Variants in ENTPD3 observed in about 807,000 individuals in gnomAD.
ENTPD3 encodes the protein CD39 antigen-like 3.
In ENTPD3, 60 loss-of-function variants were observed where a neutral mutation model predicts 51.2. The ratio of observed to expected loss-of-function variants is 1.17; its 90% CI spans 0.95 to 1.45. ENTPD3 has a LOEUF of 1.45. Ranked by LOEUF, ENTPD3 falls within the 40% of genes most tolerant of loss-of-function variation. The probability of loss-of-function intolerance (pLI) is 0.00; values close to 1 mark genes in which losing one functional copy is unlikely to be tolerated. For missense variants in ENTPD3, 593 were observed against 641.1 expected, an observed-to-expected ratio of 0.93 and a Z score of 0.81; for synonymous variants, 221 against 238.4, an observed-to-expected ratio of 0.93 and a Z score of 0.67.
chr3:40,391,915 AGGT>A, intron 2 of ENTPD3, 105 bp from the exon 3 acceptor site: 1 of 1,269,254 alleles, frequency 7.9e-7, no homozygotes, highest in Non-Finnish European at 1.1e-6. Flanking sequence ...ACACCAGAGA[AGGT>A]GGTTTATGCA....
intron 3 of ENTPD3, among the ~76,000 whole-genome samples, chr3:40,398,967 C>T (rs1955275693): frequency 6.6e-6 from 1 of 152,078 alleles, no homozygotes; most frequent in South Asian, 2.1e-4. Context: ...CCCTGTAATA[C>T]CAGCAGCATT....
rs750883719 is a variant in ENTPD3, at chr3:40,422,892, C to G, written c.874C>G (p.Arg292Gly). ...CCATCTCACCAATCCCTGTTACCCTCGGGATTATAGCATCAGCTTCACCAT... is the reference window on the plus strand; with the variant it reads ...CCATCTCACCAATCCCTGTTACCCTGGGGATTATAGCATCAGCTTCACCAT... ...KNHLTNPCYP[R>G]DYSISFTMGH... Residue 292 changes from arginine to glycine, a missense_variant, in exon 8 of 11, where the codon CGG becomes GGG. Coordinates refer to ENST00000301825, the MANE Select transcript of ENTPD3 (RefSeq NM_001248.4). The G allele has an allele frequency of 1.9e-6, 3 of 1,613,732 alleles. No homozygotes were observed. The highest frequency in any genetic ancestry group is 2.2e-5 in the South Asian group (2 of 91,054).
chr3:40,390,989 G>A (rs940429086), intron 2 of ENTPD3: 8 of 151,966 alleles, frequency 5.3e-5, no homozygotes, highest in Non-Finnish European at 1.2e-4. Context: ...TTGAGACAAG[G>A]TCTTATTCTG....
intron 2 of ENTPD3, 78 bp downstream of exon 2, chr3:40,388,175 A>T: frequency 7.6e-7 from 1 of 1,308,976 alleles, no homozygotes; most frequent in South Asian, 1.2e-5. Flanking sequence ...ACAGTTTTTC[A>T]TCCATATCCC....
Position 40,423,027 on chromosome 3 carries a change from AAG to A in ENTPD3, c.1010_1011del (p.Lys337SerfsTer6), listed in dbSNP as rs1955910507. On this transcript the variant is annotated frameshift_variant, in exon 8 of 11. Coordinates refer to ENST00000301825, the MANE Select transcript of ENTPD3 (RefSeq NM_001248.4). LOFTEE classifies it high-confidence loss of function. ...GTGDPSLCKEKVASIFDFKAC... is the reference protein window; with the variant it reads ...GTGDPSLCKEXVASIFDFKAC... ...TGGGGACCCATCTCTGTGTAAGGAG[AAG>A]GTGGCTTCCATATTTGACTTCAAAG... 1 of 1,613,950 alleles carries A rather than the reference AAG, an allele frequency of 6.2e-7. No individual in the cohort carries two copies. The highest frequency in any genetic ancestry group is 1.3e-5 in the African/African-American group (1 of 74,902).
intron 4 of ENTPD3, among the ~76,000 whole-genome samples, chr3:40,405,135 G>C (rs1291424254): frequency 6.6e-6 from 1 of 152,144 alleles, no homozygotes; most frequent in Non-Finnish European, 1.5e-5. Flanking sequence ...CTCCACTAGA[G>C]CCTAAACTTA....
At chr3:40,422,798 A>G (rs982686509) in intron 7 of ENTPD3, 52 bp from the exon 8 acceptor site, 52 of 1,509,194 alleles carry the variant, frequency 3.4e-5, no homozygotes, top group Middle Eastern at 1.7e-4. Context: ...TGCTATTGTG[A>G]ATAGTGCCGC....
chr3:40,412,870 G>A (rs2125603301), intron 5 of ENTPD3, among the ~76,000 whole-genome samples: 1 of 152,288 alleles, frequency 6.6e-6, no homozygotes, highest in Non-Finnish European at 1.5e-5. Context: ...TGACCACATT[G>A]AATGTGGAAG....
At chr3:40,391,938 G>A (rs1238107602) in intron 2 of ENTPD3, 85 bp from the exon 3 acceptor site, 9 of 1,515,338 alleles carry the variant, frequency 5.9e-6, no homozygotes, top group East Asian at 2.3e-5. Flanking sequence ...ACCTGATTAT[G>A]GGGCCAGTCC....
intron 3 of ENTPD3, among the ~76,000 whole-genome samples, chr3:40,392,980 C>T (rs1419718358): frequency 6.6e-6 from 1 of 150,674 alleles, no homozygotes; most frequent in African/African-American, 2.5e-5. Context: ...CTCAACAACA[C>T]CCCCCCGGCA....
intron 6 of ENTPD3, among the ~76,000 whole-genome samples, 160 bp downstream of exon 6, chr3:40,415,000 G>A (rs559559462): frequency 1.3e-5 from 2 of 152,252 alleles, no homozygotes; most frequent in African/African-American, 4.8e-5. Context: ...AGCTAAGAAA[G>A]ACATATATAG....
At chr3:40,390,350 A>G (rs767307392) in intron 2 of ENTPD3, among the ~76,000 whole-genome samples, 28 of 152,114 alleles carry the variant, frequency 1.8e-4, no homozygotes, top group Non-Finnish European at 3.2e-4. Context: ...GGTGTGCACC[A>G]CATGTACAGT....
At chr3:40,404,046 T>C (rs1039971488) in intron 4 of ENTPD3, among the ~76,000 whole-genome samples, 11 of 142,964 alleles carry the variant, frequency 7.7e-5, no homozygotes, top group African/African-American at 1.5e-4. Flanking sequence ...GCTCAGGTAA[T>C]GCCTGAGCCA....
chr3:40,401,443 C>T (rs1955354519), intron 4 of ENTPD3, among the ~76,000 whole-genome samples: 1 of 152,182 alleles, frequency 6.6e-6, no homozygotes, highest in Non-Finnish European at 1.5e-5. Context: ...ATAGTATGCA[C>T]TCATGCAATA....
chr3:40,397,354 T>C (rs1355248799), intron 3 of ENTPD3, among the ~76,000 whole-genome samples: 1 of 151,876 alleles, frequency 6.6e-6, no homozygotes, highest in Admixed American at 6.5e-5. Flanking sequence ...GCCATTACAC[T>C]TGGTTTCCTT....
intron 10 of ENTPD3, among the ~76,000 whole-genome samples, chr3:40,425,714 T>A (rs1311877035): frequency 6.6e-6 from 1 of 151,930 alleles, no homozygotes; most frequent in Non-Finnish European, 1.5e-5. Context: ...CTGGCCAACA[T>A]GGCAAAACCA....
At chr3:40,398,876 A>T (rs115895006) in intron 3 of ENTPD3, among the ~76,000 whole-genome samples, 3 of 152,144 alleles carry the variant, frequency 2.0e-5, no homozygotes, top group Non-Finnish European at 4.4e-5. Context: ...GGTGATATCA[A>T]TCTGTTTCTA....
At chr3:40,399,559 G>A (rs148357393) in intron 3 of ENTPD3, 235 of 152,348 alleles carry the variant, frequency 1.5e-3, no homozygotes, top group African/African-American at 5.3e-3. Flanking sequence ...GACAGGCTAG[G>A]TTAACCCAAA....
chr3:40,423,447 G>A, intron 9 of ENTPD3, 46 bp downstream of exon 9: 1 of 1,297,772 alleles, frequency 7.7e-7, no homozygotes, highest in Non-Finnish European at 1.1e-6. Context: ...AAAAAAATAT[G>A]GTAGAATCTA....
Sources: gnomAD v4.1 joint callset for allele counts (sites outside exome capture counted in the v4.1 genomes callset) on GRCh38, gnomAD v4.1.1 for gene constraint, MANE v1.5 for transcripts, NCBI Gene and HGNC (gene_info 2026-07-23, HGNC 2026-07-21) for gene names.